CPB2: variants seen among roughly 807,000 people sequenced by gnomAD.
The protein encoded by CPB2 is carboxypeptidase B2.
A neutral mutation model predicts 57.0 loss-of-function variants in CPB2; 54 were observed. The observed-to-expected ratio is 0.95, with a 90% confidence interval of 0.76 to 1.19. CPB2 has a LOEUF of 1.19. Ranked by LOEUF, CPB2 falls within the 50% of genes most tolerant of loss-of-function variation. The pLI is 0.00. For synonymous variants in CPB2, 189 were observed against 178.1 expected, an observed-to-expected ratio of 1.06 and a Z score of -0.49; for missense variants, 426 against 512.0, an observed-to-expected ratio of 0.83 and a Z score of 1.62.
At chr13:46,093,174 A>C (rs1297096446) in intron 1 of CPB2, among the ~76,000 whole-genome samples, 1 of 152,172 alleles carries the variant, frequency 6.6e-6, no homozygotes, top group Non-Finnish European at 1.5e-5. Flanking sequence ...CAGCCTCCCA[A>C]AATGCTGGGA....
intron 1 of CPB2, among the ~76,000 whole-genome samples, chr13:46,090,225 T>C (rs961810584): frequency 5.3e-5 from 8 of 152,134 alleles, no homozygotes; most frequent in Non-Finnish European, 1.2e-4. Context: ...AATCAGCTTG[T>C]TATGTTTCAT....
intron 8 of CPB2, among the ~76,000 whole-genome samples, chr13:46,063,934 CTA>C (rs1338541953): frequency 6.6e-6 from 1 of 151,634 alleles, no homozygotes; most frequent in Non-Finnish European, 1.5e-5. Flanking sequence ...TCTTCAAACA[CTA>C]TAGAAGTAAA....
At chr13:46,067,546 G>C in intron 6 of CPB2, 129 bp from the exon 7 acceptor site, 1 of 588,566 alleles carries the variant, frequency 1.7e-6, no homozygotes, top group South Asian at 2.3e-5. Flanking sequence ...CAGAAAGAGT[G>C]CTAATTCCTC....
intron 3 of CPB2, 103 bp downstream of exon 3, chr13:46,084,116 G>T: frequency 1.5e-6 from 2 of 1,378,620 alleles, no homozygotes; most frequent in Non-Finnish European, 2.0e-6. Context: ...TGCTGCCATG[G>T]TTAATACATT....
intron 7 of CPB2, among the ~76,000 whole-genome samples, chr13:46,066,203 G>A (rs560902874): frequency 1.4e-4 from 22 of 152,108 alleles, no homozygotes; most frequent in African/African-American, 4.8e-4. Context: ...ACTCAAGTAG[G>A]TTTTTCTAAA....
At chr13:46,079,127 A>ATACT (rs1325000071) in intron 4 of CPB2, among the ~76,000 whole-genome samples, 2 of 152,214 alleles carry the variant, frequency 1.3e-5, no homozygotes, top group Non-Finnish European at 2.9e-5. Flanking sequence ...AAGTGCTAAG[A>ATACT]TACTTATAAT....
In CPB2 at chr13:46,077,226, G is replaced by GA. The variant is rs1415353452; in HGVS notation, c.486+1573dup. On this transcript the variant is annotated intron_variant, in intron 5 of 10. Coordinates refer to ENST00000181383, the MANE Select transcript of CPB2 (RefSeq NM_001872.5). The stretch of plus-strand genomic sequence containing the variant: ...ATAAGGAACGCAAACAATTCAAAAG[G>GA]AAAAAAACAAATAATCCAATTTTAA... Among the ~76,000 whole-genome samples the GA allele has an allele frequency of 4.0e-5, 6 of 151,836 alleles. No homozygotes were observed. The South Asian group carries it at 1.0e-3, about 26-fold the overall frequency.
At position 46,078,739 on chromosome 13, in the gene CPB2, C is replaced by T. The variant is rs367986478; in HGVS notation, c.486+61G>A. On this transcript the variant is annotated intron_variant, in intron 5 of 10. Transcript: ENST00000181383. ...AAACAAACTCAAGTTTTAACAAACACGACTGGAGAATTAATCCCTCCCCTC... is the reference window on the plus strand; with the variant it reads ...AAACAAACTCAAGTTTTAACAAACATGACTGGAGAATTAATCCCTCCCCTC... The T allele has an allele frequency of 1.2e-4, 135 of 1,098,024 alleles. 1 individual carries two copies. The highest frequency in any genetic ancestry group is 6.0e-4 in the Middle Eastern group (3 of 5,018). 68.0% of individuals were successfully genotyped at this position (1,098,024 alleles called of 1,614,324 possible).
Position 46,078,810 on chromosome 13 carries a change from T to G in CPB2, c.476A>C (p.Tyr159Ser). The change falls in exon 5 of 11, where the codon TAT becomes TCT. Residue 159 changes from tyrosine (Y) to serine (S), a missense_variant. Physicochemically the swap from Tyr to Ser is moderately radical, Grantham distance 144 (BLOSUM62 -2). Transcript: ENST00000181383. ...IGSSFEKYPL[Y>S]VLKVSGKEQA... Reference sequence around the variant, plus strand: ...TTCCCCACAACATACCTTTAAAACATAGAGTGGGTACTTCTCAAATGAGGA... The same window carrying G: ...TTCCCCACAACATACCTTTAAAACAGAGAGTGGGTACTTCTCAAATGAGGA... 1 of 1,600,364 alleles carries G rather than the reference T, an allele frequency of 6.2e-7. No individual in the cohort carries two copies. Among genetic ancestry groups the G allele is most frequent in the Non-Finnish European group, 8.6e-7 (1 of 1,167,818 alleles).
At chr13:46,063,524 T>C (rs1593885912) in intron 8 of CPB2, among the ~76,000 whole-genome samples, 1 of 152,228 alleles carries the variant, frequency 6.6e-6, no homozygotes, top group East Asian at 1.9e-4. Flanking sequence ...GGCTGTGTAG[T>C]ATTCCATGAT....
At chr13:46,074,129 T>G (rs925062042) in intron 5 of CPB2, 152 bp from the exon 6 acceptor site, 11 of 485,152 alleles carry the variant, frequency 2.3e-5, no homozygotes, top group Non-Finnish European at 4.1e-5. Flanking sequence ...AAGGGAAATT[T>G]AAACACTGGT....
At chr13:46,054,827 T>G (rs2044674196) in intron 10 of CPB2, among the ~76,000 whole-genome samples, 1 of 128,976 alleles carries the variant, frequency 7.8e-6, no homozygotes, top group Admixed American at 8.1e-5. Flanking sequence ...CTCAGCTCAT[T>G]GCCACCCCCA....
At chr13:46,096,192 T>G (rs919825360) in intron 1 of CPB2, 1 of 152,330 alleles carries the variant, frequency 6.6e-6, no homozygotes, top group African/African-American at 2.4e-5. Flanking sequence ...GGACTCTTGG[T>G]TGGTTTTGCC....
In CPB2 at chr13:46,085,201, T is replaced by C. The variant is rs17844191; in HGVS notation, c.151-858A>G. On this transcript the variant is annotated intron_variant, in intron 2 of 10. Transcript: ENST00000181383. ...CTTTGATATTTATAACGCTTTGATA[T>C]AGACTAGGCAGGTGTTATTATTTGC... 8.6e-3 allele frequency among the ~76,000 whole-genome samples: 1,314 copies of C among 152,304 alleles called. 29 individuals are homozygous for C. The highest frequency in any genetic ancestry group is 0.029 in the African/African-American group (1,215 of 41,548).
At chr13:46,088,953 A>G (rs946290130) in intron 1 of CPB2, among the ~76,000 whole-genome samples, 6 of 145,994 alleles carry the variant, frequency 4.1e-5, no homozygotes, top group African/African-American at 1.3e-4. Context: ...GCAGTTTGTA[A>G]TTTGTCTTTT....
rs2139330143 is a variant in CPB2, at chr13:46,053,521, C to A, written c.*93G>T. ...ATAGGAAAATCTTTTATCAAAACTACGGATAAAACTTAAAAATAATTTGAT... is the reference window on the plus strand; with the variant it reads ...ATAGGAAAATCTTTTATCAAAACTAAGGATAAAACTTAAAAATAATTTGAT... On this transcript the variant is annotated 3_prime_UTR_variant, in exon 11 of 11. Coordinates refer to ENST00000181383, the MANE Select transcript of CPB2 (RefSeq NM_001872.5). 6.6e-7 allele frequency: 1 copy of A among 1,510,250 alleles called. No homozygotes were observed. Among genetic ancestry groups the A allele is most frequent in the Admixed American group, 2.2e-5 (1 of 46,416 alleles). The allele number at this position is 1,510,250 out of a possible 1,614,324, so 93.6% of individuals were successfully genotyped here. A position where few individuals can be genotyped will look rare whatever the true frequency, so the allele number is the denominator to read the frequency against.
At position 46,095,567 on chromosome 13, in the gene CPB2, A is replaced by G. The variant is rs183472817; in HGVS notation, c.75-7747T>C. ...CGGGGTAGAGTCTCAGGCATATGGT[A>G]TTCAGCTATTGCGCTGGATATGTCA... On this transcript the variant is annotated intron_variant, in intron 1 of 10. Coordinates refer to ENST00000181383, the MANE Select transcript of CPB2 (RefSeq NM_001872.5). 2.3e-3 allele frequency among the ~76,000 whole-genome samples: 350 copies of G among 152,330 alleles called. 1 individual carries two copies. The highest frequency in any genetic ancestry group is 8.2e-3 in the African/African-American group (340 of 41,572).
At chr13:46,055,920 AAAT>A (rs2044691620) in intron 9 of CPB2, 71 bp from the exon 10 acceptor site, 2 of 858,572 alleles carry the variant, frequency 2.3e-6, no homozygotes, top group African/African-American at 3.4e-5. Context: ...AGTTTCTAAA[AAAT>A]AATCATACAT....
intron 4 of CPB2, 79 bp from the exon 5 acceptor site, chr13:46,078,980 T>C: frequency 1.1e-6 from 1 of 889,654 alleles, no homozygotes; most frequent in Non-Finnish European, 1.8e-6. Context: ...AGACAACTTC[T>C]TCAGAGAAAG....
Sources: allele counts gnomAD v4.1 joint callset (sites outside exome capture counted in the v4.1 genomes callset), GRCh38; gene constraint gnomAD v4.1.1; transcripts MANE v1.5; gene names NCBI Gene and HGNC (gene_info 2026-07-23, HGNC 2026-07-21).